SPATA31C1: variants seen among roughly 807,000 people sequenced by gnomAD.
The protein encoded by SPATA31C1 is spermatogenesis-associated protein 31C1.
downstream of SPATA31C1, chr9:87,923,621 C>T: frequency 1.5e-6 from 1 of 656,022 alleles, no homozygotes; most frequent in Non-Finnish European, 2.5e-6. Context: ...ACACGCAGAA[C>T]ATTTAATATT....
At chr9:87,920,830 C>T (rs758436044) in exon 5 of SPATA31C1, 16 of 1,613,700 alleles carry the variant, frequency 9.9e-6, no homozygotes, top group South Asian at 3.3e-5. Context: ...TTCAACTCGT[C>T]AGTCCAGCAA....
At position 87,920,597 on chromosome 9, in the gene SPATA31C1, A is replaced by G. The variant is rs397833502; in HGVS notation, n.987A>G. ...CCCCTGATCCTCTGGCCTGCTCTCC[A>G]CCTCCTCCGAAAGGCTTCACTCCTC... On this transcript the variant is annotated non_coding_transcript_exon_variant, in exon 5 of 5. Transcript: ENST00000420021. The G allele has an allele frequency of 8.2e-4, 1,314 of 1,610,676 alleles. 3 individuals are homozygous for G. Among genetic ancestry groups the G allele is most frequent in the South Asian group, 2.4e-3 (219 of 90,864 alleles).
chr9:87,923,307 G>C, exon 5 of SPATA31C1: 1 of 1,603,326 alleles, frequency 6.2e-7, no homozygotes, highest in Non-Finnish European at 8.5e-7. Flanking sequence ...TCCCAACAGA[G>C]ACAGACAAAT....
exon 5 of SPATA31C1, chr9:87,922,306 C>A (rs1242013867): frequency 6.2e-7 from 1 of 1,611,796 alleles, no homozygotes; most frequent in Admixed American, 1.7e-5. Context: ...TCTTCAAGGG[C>A]TGGAGAGACC....
exon 4 of SPATA31C1, chr9:87,919,916 C>G (rs759425502): frequency 1.2e-6 from 2 of 1,607,086 alleles, no homozygotes; most frequent in African/African-American, 1.3e-5. Flanking sequence ...TGATTTCCAG[C>G]TTGTAGAGAG....
At chr9:87,916,857 C>A (rs374146239) in intron 1 of SPATA31C1, among the ~76,000 whole-genome samples, 1,245 of 71,180 alleles carry the variant, frequency 0.017, 6 homozygotes, top group East Asian at 0.073. Flanking sequence ...ATTAGCCGGG[C>A]GTGGTAGCAC....
At chr9:87,921,857 G>A (rs1828881017) in exon 5 of SPATA31C1, 2 of 1,612,072 alleles carry the variant, frequency 1.2e-6, no homozygotes, top group Non-Finnish European at 1.7e-6. Context: ...GTACTCAGCA[G>A]GTGCTGGAAG....
chr9:87,922,675 A>G (rs1178210596), exon 5 of SPATA31C1: 2 of 1,607,968 alleles, frequency 1.2e-6, no homozygotes, highest in South Asian at 1.1e-5. Context: ...GCTTCCCAGG[A>G]GCTATGTGAC....
rs368023573 is a variant in SPATA31C1, at chr9:87,915,978, T to C, written n.189+1268T>C. ...TTCAGAGGGATTATTGCAATAGATA[T>C]AGAGATTACTGCAATAGGGTCTTGC... On this transcript the variant is annotated intron_variant and non_coding_transcript_variant, in intron 1 of 4. Coordinates refer to ENST00000420021, the Ensembl canonical transcript of SPATA31C1. Among the ~76,000 whole-genome samples, 100 of 141,788 alleles carry C rather than the reference T, an allele frequency of 7.1e-4. 3 individuals are homozygous for C. Among genetic ancestry groups the C allele is most frequent in the East Asian group, 1.3e-3 (6 of 4,520 alleles). 93.0% of individuals were successfully genotyped at this position (141,788 alleles called of 152,430 possible).
rs201907359 is a variant in SPATA31C1 at position 87,920,841 on chromosome 9, G to C, written n.1231G>C. On this transcript the variant is annotated non_coding_transcript_exon_variant, in exon 5 of 5. Coordinates refer to ENST00000420021, the Ensembl canonical transcript of SPATA31C1. ...CATCTTCAACTCGTCAGTCCAGCAA[G>C]ATCATCTTTCCCGCCAAAGGGACAC... is the stretch of plus-strand genomic sequence containing the variant. 3.2e-3 allele frequency: 5,232 copies of C among 1,613,728 alleles called. 24 individuals are homozygous for C. Among genetic ancestry groups the C allele is most frequent in the Non-Finnish European group, 3.9e-3 (4,595 of 1,179,718 alleles).
intron 4 of SPATA31C1, 130 bp downstream of exon 3, chr9:87,920,106 C>A: frequency 6.2e-7 from 1 of 1,604,292 alleles, no homozygotes; most frequent in Non-Finnish European, 8.5e-7. Flanking sequence ...AGCCCTGGGG[C>A]GAGGGGTAGC....
chr9:87,923,357 T>C lies in SPATA31C1; in HGVS notation n.3747T>C, dbSNP rs377089056. 71 of 1,602,418 alleles carry C rather than the reference T, an allele frequency of 4.4e-5. No homozygotes were observed. The African/African-American group carries it at 7.9e-4, about 18-fold the overall frequency. Reference sequence around the variant, plus strand: ...CCTTGAAAAGTGTCCGGTGCAACAATGAGCAATGGGGCCTGCGACATCCCC... The same window carrying C: ...CCTTGAAAAGTGTCCGGTGCAACAACGAGCAATGGGGCCTGCGACATCCCC... On this transcript the variant is annotated non_coding_transcript_exon_variant, in exon 5 of 5. Coordinates refer to ENST00000420021, the Ensembl canonical transcript of SPATA31C1.
At chr9:87,919,159 A>G in intron 2 of SPATA31C1, 96 bp from the exon 2 acceptor site, 1 of 1,557,166 alleles carries the variant, frequency 6.4e-7, no homozygotes, top group Non-Finnish European at 8.8e-7. Context: ...CCTGAGCAAG[A>G]CAGACAGAGC....
exon 5 of SPATA31C1, chr9:87,921,364 G>C (rs770037078): frequency 1.2e-6 from 2 of 1,611,732 alleles, no homozygotes; most frequent in East Asian, 2.2e-5. Context: ...CCAGGGACAA[G>C]TCAGGCCAAG....
Position 87,916,031 on chromosome 9 carries a change from G to A in SPATA31C1, n.189+1321G>A, listed in dbSNP as rs1475415896. The stretch of plus-strand genomic sequence containing the variant: ...TAATCTCCAGTTTCCATATATTCAG[G>A]TTTCCCTCTGAATAGAAATTTTATA... On this transcript the variant is annotated intron_variant and non_coding_transcript_variant, in intron 1 of 4. Coordinates refer to ENST00000420021, the Ensembl canonical transcript of SPATA31C1. 2.1e-5 allele frequency among the ~76,000 whole-genome samples: 3 copies of A among 142,582 alleles called. 1 individual carries two copies. The highest frequency in any genetic ancestry group is 4.3e-4 in the East Asian group (2 of 4,612). The allele number at this position is 142,582 out of a possible 152,430, so 93.5% of individuals were successfully genotyped here.
In SPATA31C1 at chr9:87,923,293, G is replaced by A. The variant is rs949670349; in HGVS notation, n.3683G>A. The stretch of plus-strand genomic sequence containing the variant: ...CAACAAGCCACTCTCAAGAACCAGA[G>A]TCGTCCCAACAGAGACAGACAAATC... On this transcript the variant is annotated non_coding_transcript_exon_variant, in exon 5 of 5. Transcript: ENST00000420021. 3.1e-6 allele frequency: 5 copies of A among 1,603,574 alleles called. No homozygotes were observed. In the African/African-American group the frequency reaches 6.7e-5, roughly 21 times the overall value.
chr9:87,921,522 G>C lies in SPATA31C1; in HGVS notation n.1912G>C, dbSNP rs778437642. ...CCCACAAAATCTATCCAGGGGCATGGAAAGCTTCCCAGGGAAGGTTCTGGG... is the reference window on the plus strand; with the variant it reads ...CCCACAAAATCTATCCAGGGGCATGCAAAGCTTCCCAGGGAAGGTTCTGGG... On this transcript the variant is annotated non_coding_transcript_exon_variant, in exon 5 of 5. Transcript: ENST00000420021. The C allele has an allele frequency of 1.9e-6, 3 of 1,611,996 alleles. No individual in the cohort carries two copies. The East Asian group carries it at 6.7e-5, about 36-fold the overall frequency.
intron 2 of SPATA31C1, 103 bp from the exon 2 acceptor site, chr9:87,919,152 G>A (rs767802578): frequency 1.3e-6 from 2 of 1,538,260 alleles, no homozygotes; most frequent in Non-Finnish European, 1.8e-6. Context: ...AGAGCTCCCT[G>A]AGCAAGACAG....
At chr9:87,921,760 C>T in exon 5 of SPATA31C1, 1 of 1,612,038 alleles carries the variant, frequency 6.2e-7, no homozygotes, top group Non-Finnish European at 8.5e-7. Flanking sequence ...GTATCCAACA[C>T]CCACGTGAAA....
Sources: allele counts gnomAD v4.1 joint callset (sites outside exome capture counted in the v4.1 genomes callset), GRCh38; gene constraint gnomAD v4.1.1; transcripts MANE v1.5; gene names NCBI Gene and HGNC (gene_info 2026-07-23, HGNC 2026-07-21).